AUTS2: variants seen among roughly 807,000 people sequenced by gnomAD.
The protein encoded by AUTS2 is autism susceptibility gene 2 protein.
AUTS2 carries 17 observed loss-of-function variants against 112.4 expected under a neutral mutation model. The ratio of observed to expected loss-of-function variants is 0.15; its 90% CI spans 0.10 to 0.23. The LOEUF (loss-of-function observed/expected upper bound fraction) is 0.23, where lower values mean the gene tolerates loss of function less well. Among genes scored for constraint, AUTS2 ranks in the 10% least tolerant of loss-of-function variants. AUTS2 has a pLI of 1.00. For missense variants in AUTS2, 1,510 were observed against 1,701.6 expected, an observed-to-expected ratio of 0.89 and a Z score of 1.98; for synonymous variants, 751 against 702.7, an observed-to-expected ratio of 1.07 and a Z score of -1.09.
chr7:70,400,153 A>G (rs1348072530), intron 4 of AUTS2, among the ~76,000 whole-genome samples: 5 of 152,224 alleles, frequency 3.3e-5, no homozygotes, highest in Non-Finnish European at 1.5e-5. Context: ...TACCTGTAGC[A>G]AATATATGGA....
chr7:70,425,623 C>T (rs1438628959), intron 4 of AUTS2, among the ~76,000 whole-genome samples: 1 of 152,200 alleles, frequency 6.6e-6, no homozygotes, highest in African/African-American at 2.4e-5. Context: ...ATACACTAGA[C>T]CCTGTGATGA....
chr7:69,912,228 G>C (rs1471730794), intron 2 of AUTS2, among the ~76,000 whole-genome samples: 1 of 152,196 alleles, frequency 6.6e-6, no homozygotes, highest in African/African-American at 2.4e-5. Flanking sequence ...AGCCAGGTAT[G>C]GGGAGAGGCC....
At chr7:70,187,496 T>C (rs550485909) in intron 4 of AUTS2, among the ~76,000 whole-genome samples, 18 of 152,208 alleles carry the variant, frequency 1.2e-4, no homozygotes, top group Non-Finnish European at 2.2e-4. Flanking sequence ...TATGCTTAAA[T>C]ATTTATTTGG....
At chr7:69,656,761 A>C (rs1186859887) in intron 1 of AUTS2, among the ~76,000 whole-genome samples, 2 of 152,202 alleles carry the variant, frequency 1.3e-5, no homozygotes, top group Non-Finnish European at 2.9e-5. Flanking sequence ...TTGGATCACA[A>C]GCCCAACATG....
intron 1 of AUTS2, among the ~76,000 whole-genome samples, chr7:69,891,822 ATCTC>A (rs990750088): frequency 1.7e-5 from 1 of 59,722 alleles, no homozygotes; most frequent in Non-Finnish European, 3.1e-5. Context: ...GAGATGGAGT[ATCTC>A]TCTGTCATCC....
At chr7:70,741,108 AT>A (rs1328069531) in intron 6 of AUTS2, among the ~76,000 whole-genome samples, 2 of 148,660 alleles carry the variant, frequency 1.3e-5, no homozygotes, top group Middle Eastern at 3.4e-3. Context: ...ATTAAAAAAA[AT>A]AAAAAAAAAA....
intron 1 of AUTS2, among the ~76,000 whole-genome samples, chr7:69,670,145 G>A (rs556669173): frequency 3.9e-5 from 6 of 152,264 alleles, no homozygotes; most frequent in Admixed American, 1.3e-4. Context: ...TTAAGGTTGA[G>A]TCTTGGAATT....
At chr7:70,316,079 A>G (rs1400003705) in intron 4 of AUTS2, among the ~76,000 whole-genome samples, 1 of 152,250 alleles carries the variant, frequency 6.6e-6, no homozygotes, top group Non-Finnish European at 1.5e-5. Flanking sequence ...ATGCTGAATT[A>G]ATGCAGTATA....
chr7:70,526,897 C>T (rs893365271), intron 5 of AUTS2, among the ~76,000 whole-genome samples: 1 of 152,212 alleles, frequency 6.6e-6, no homozygotes, highest in African/African-American at 2.4e-5. Flanking sequence ...AGCCTTACAC[C>T]CCAGCATTGT....
intron 5 of AUTS2, among the ~76,000 whole-genome samples, chr7:70,594,760 T>C (rs1475416917): frequency 1.3e-5 from 2 of 152,042 alleles, no homozygotes; most frequent in East Asian, 3.9e-4. Flanking sequence ...TCACTTTTGA[T>C]GAGGAGCAGA....
chr7:69,957,677 G>A (rs1797271507), intron 2 of AUTS2, among the ~76,000 whole-genome samples: 1 of 152,082 alleles, frequency 6.6e-6, no homozygotes, highest in Non-Finnish European at 1.5e-5. Flanking sequence ...TTATTAATGG[G>A]TATCTTGGGG....
intron 5 of AUTS2, among the ~76,000 whole-genome samples, chr7:70,696,388 C>T (rs1462659182): frequency 6.6e-6 from 1 of 152,120 alleles, no homozygotes; most frequent in East Asian, 1.9e-4. Context: ...TCTGAGACAC[C>T]CCCTTTCCCA....
intron 1 of AUTS2, among the ~76,000 whole-genome samples, chr7:69,884,237 T>TAA (rs1240217092): frequency 6.6e-6 from 1 of 152,228 alleles, no homozygotes; most frequent in African/African-American, 2.4e-5. Flanking sequence ...GGACAGCTCT[T>TAA]ACAGATAAAC....
chr7:69,819,794 A>T (rs1453564822), intron 1 of AUTS2, among the ~76,000 whole-genome samples: 1 of 152,070 alleles, frequency 6.6e-6, no homozygotes, highest in East Asian at 1.9e-4. Flanking sequence ...ATTTTAGTGT[A>T]TTTTTGCAGA....
chr7:69,626,163 A>G (rs1305479031), intron 1 of AUTS2, among the ~76,000 whole-genome samples: 1 of 152,142 alleles, frequency 6.6e-6, no homozygotes, highest in Non-Finnish European at 1.5e-5. Context: ...ATAAGTAGGG[A>G]AAAATGTTGG....
At chr7:70,513,806 T>A (rs2116825536) in intron 5 of AUTS2, among the ~76,000 whole-genome samples, 1 of 152,100 alleles carries the variant, frequency 6.6e-6, no homozygotes, top group Admixed American at 6.5e-5. Context: ...ATTACAGGTG[T>A]GCGCCACCAT....
chr7:70,534,795 A>C (rs747725949), intron 5 of AUTS2, among the ~76,000 whole-genome samples: 1 of 152,086 alleles, frequency 6.6e-6, no homozygotes, highest in Admixed American at 6.6e-5. Flanking sequence ...AACACTCAGC[A>C]CAGGACCATA....
chr7:70,005,453 G>A (rs1378526514), intron 2 of AUTS2, among the ~76,000 whole-genome samples: 1 of 152,168 alleles, frequency 6.6e-6, no homozygotes, highest in East Asian at 1.9e-4. Context: ...ATTATGACAG[G>A]CACTGGTACA....
chr7:70,019,807 T>G lies in AUTS2; in HGVS notation c.523-98325T>G, dbSNP rs73160103. On this transcript the variant is annotated intron_variant, in intron 2 of 18. Transcript: ENST00000342771. ...ATTGTGGTCATTATCAGTTGATTTC[T>G]TCTTAATTTAAAAAATTTTCGTATG... is the stretch of plus-strand genomic sequence containing the variant. Among the ~76,000 whole-genome samples, 896 of 152,358 alleles carry G rather than the reference T, an allele frequency of 5.9e-3. 12 individuals carry two copies. Among genetic ancestry groups the G allele is most frequent in the Non-Finnish European group, 6.6e-3 (446 of 68,032 alleles).
Sources: gnomAD v4.1 joint callset for allele counts (sites outside exome capture counted in the v4.1 genomes callset) on GRCh38, gnomAD v4.1.1 for gene constraint, MANE v1.5 for transcripts, NCBI Gene and HGNC (gene_info 2026-07-23, HGNC 2026-07-21) for gene names.